OR52N4: variants seen among roughly 807,000 people sequenced by gnomAD.
OR52N4 encodes the protein olfactory receptor 52N4.
OR52N4 carries 15 observed loss-of-function variants against 15.0 expected under a neutral mutation model. The ratio of observed to expected loss-of-function variants is 1.00; its 90% CI spans 0.67 to 1.54. OR52N4 has a LOEUF of 1.54. Ranked by LOEUF, OR52N4 falls within the 40% of genes most tolerant of loss-of-function variation. OR52N4 has a pLI of 0.00. For synonymous variants in OR52N4, 143 were observed against 143.7 expected (o/e 1.00, Z 0.03); for missense variants, 421 against 394.0 (o/e 1.07, Z -0.58).
At chr11:5,742,227 A>T in the OR52N4 span, among the ~76,000 whole-genome samples, 1 of 152,156 alleles carries the variant, frequency 6.6e-6, no homozygotes, top group Non-Finnish European at 1.5e-5. Flanking sequence ...AGGTTTATGT[A>T]AAATGATAAA....
chr11:5,737,123 C>A, the OR52N4 span: 30 of 1,613,948 alleles, frequency 1.9e-5, no homozygotes, highest in Non-Finnish European at 2.5e-5. Flanking sequence ...TGACAGGAGG[C>A]CAAACAGCAT....
the OR52N4 span, among the ~76,000 whole-genome samples, chr11:5,733,970 T>A: frequency 2.0e-5 from 3 of 152,156 alleles, no homozygotes; most frequent in Non-Finnish European, 4.4e-5. Flanking sequence ...CTTTCTATTC[T>A]AGTGGGATTT....
the OR52N4 span, among the ~76,000 whole-genome samples, chr11:5,743,115 T>C: frequency 1.3e-5 from 2 of 151,710 alleles, no homozygotes; most frequent in Non-Finnish European, 2.9e-5. Context: ...AGCCAGACTT[T>C]ATATAAACAA....
the OR52N4 span, among the ~76,000 whole-genome samples, chr11:5,738,817 C>T: frequency 6.6e-6 from 1 of 151,906 alleles, no homozygotes; most frequent in Non-Finnish European, 1.5e-5. Context: ...AAGGCTTAAT[C>T]TATTATTGTC....
At chr11:5,743,168 A>T in the OR52N4 span, among the ~76,000 whole-genome samples, 85 of 152,336 alleles carry the variant, frequency 5.6e-4, no homozygotes, top group African/African-American at 2.0e-3. Flanking sequence ...ATGTTAATCA[A>T]TTCAAGAATA....
At chr11:5,737,185 T>A in the OR52N4 span, 1 of 1,614,062 alleles carries the variant, frequency 6.2e-7, no homozygotes, top group Non-Finnish European at 8.5e-7. Context: ...TAAGTCTTAT[T>A]ATACTGTCAT....
the OR52N4 span, among the ~76,000 whole-genome samples, chr11:5,742,657 A>C: frequency 7.2e-5 from 11 of 152,208 alleles, no homozygotes; most frequent in Non-Finnish European, 1.0e-4. Flanking sequence ...TAAATGAAGG[A>C]GAAATAAGTC....
chr11:5,738,266 T>C, the OR52N4 span: 13 of 152,392 alleles, frequency 8.5e-5, no homozygotes, highest in African/African-American at 2.9e-4. Context: ...CTATTTATTA[T>C]TCTACTCCCA....
At chr11:5,754,631 T>G (rs1344585308) in intron 1 of OR52N4, 62 bp from the exon 2 acceptor site, 4 of 1,178,582 alleles carry the variant, frequency 3.4e-6, no homozygotes, top group South Asian at 3.6e-5. Context: ...TTTTAAAAGT[T>G]GGGGGAGAGG....
the OR52N4 span, among the ~76,000 whole-genome samples, chr11:5,741,194 A>G: frequency 0.058 from 8,766 of 152,292 alleles, 330 homozygotes; most frequent in East Asian, 0.2. Context: ...AAGTTCCAGT[A>G]TGATTACAGC....
At chr11:5,750,810 A>G (rs1050510585), upstream of OR52N4, among the ~76,000 whole-genome samples, 1 of 152,022 alleles carries the variant, frequency 6.6e-6, no homozygotes, top group Non-Finnish European at 1.5e-5. Context: ...TTATGCTTTT[A>G]CAAAATAATA....
the OR52N4 span, among the ~76,000 whole-genome samples, chr11:5,732,517 A>C: frequency 6.6e-6 from 1 of 152,170 alleles, no homozygotes; most frequent in Non-Finnish European, 1.5e-5. Context: ...GTACAGTAAA[A>C]TTATGAATCA....
upstream of OR52N4, among the ~76,000 whole-genome samples, chr11:5,750,568 A>G (rs73406163): frequency 0.042 from 6,327 of 152,102 alleles, 288 homozygotes; most frequent in East Asian, 0.23. Context: ...TTTATAAATT[A>G]TTGAAAAAGT....
At position 5,755,660 on chromosome 11, in the gene OR52N4, T is replaced by C; in HGVS notation, c.920T>C (p.Ile307Thr). ...VKTKQIRDCV[I>T]RILSGSKDTK... ...ACCAAACAGATACGAGACTGTGTCA[T>C]AAGGATCCTTTCAGGTTCTAAGGAT... Residue 307 changes from isoleucine to threonine, a missense_variant, in exon 2 of 2, where the codon ATA becomes ACA. Transcript: ENST00000641350. 6.2e-7 allele frequency: 1 copy of C among 1,613,734 alleles called. No individual in the cohort carries two copies. Among genetic ancestry groups the C allele is most frequent in the South Asian group, 1.1e-5 (1 of 91,082 alleles).
the OR52N4 span, among the ~76,000 whole-genome samples, chr11:5,746,457 CAAAT>C: frequency 6.6e-6 from 1 of 152,054 alleles, no homozygotes; most frequent in East Asian, 1.9e-4. Context: ...AACAAGAACA[CAAAT>C]AACACCATTC....
At chr11:5,736,656 C>T in the OR52N4 span, 1 of 1,614,000 alleles carries the variant, frequency 6.2e-7, no homozygotes, top group Non-Finnish European at 8.5e-7. Flanking sequence ...TATCTCTCAG[C>T]ACTTGCTGCA....
the OR52N4 span, chr11:5,737,018 G>A: frequency 6.2e-7 from 1 of 1,614,126 alleles, no homozygotes; most frequent in Non-Finnish European, 8.5e-7. Flanking sequence ...TGTCACTCCA[G>A]TGCCTGTGCT....
chr11:5,747,160 AGTG>A, the OR52N4 span, among the ~76,000 whole-genome samples: 4 of 149,998 alleles, frequency 2.7e-5, no homozygotes, highest in South Asian at 8.5e-4. Context: ...AAGCTGAGTT[AGTG>A]GTGAGAGAGA....
the OR52N4 span, among the ~76,000 whole-genome samples, chr11:5,747,709 C>CTGG: frequency 6.6e-6 from 1 of 152,112 alleles, no homozygotes; most frequent in East Asian, 1.9e-4. Flanking sequence ...ACGTGTAAAA[C>CTGG]ATTAAACCAA....
Sources: gnomAD v4.1 joint callset for allele counts (sites outside exome capture counted in the v4.1 genomes callset) on GRCh38, gnomAD v4.1.1 for gene constraint, MANE v1.5 for transcripts, NCBI Gene and HGNC (gene_info 2026-07-23, HGNC 2026-07-21) for gene names.